The following UGT2B17 variants were observed in gnomAD, a reference collection of about 807,000 sequenced individuals.
UGT2B17 encodes the protein UDP-glucuronosyltransferase 2B17.
A neutral mutation model predicts 48.2 loss-of-function variants in UGT2B17; 21 were observed. The observed-to-expected ratio is 0.44, with a 90% CI of 0.31 to 0.63. The LOEUF is 0.63. Among genes scored for constraint, UGT2B17 ranks in the 20% least tolerant of loss-of-function variants. UGT2B17 has a pLI of 0.08. For missense variants in UGT2B17, 402 were observed against 696.1 expected, an observed-to-expected ratio of 0.58 and a Z score of 4.75; for synonymous variants, 146 against 238.4, an observed-to-expected ratio of 0.61 and a Z score of 3.57.
intron 6 of UGT2B17, among the ~76,000 whole-genome samples, chr4:68,543,452 A>C (rs1730724064): frequency 8.0e-6 from 1 of 125,036 alleles, no homozygotes; most frequent in South Asian, 3.8e-4. Flanking sequence ...CATCATCAAA[A>C]ACCAAAGGTA....
At chr4:68,547,479 A>G (rs1432842518) in intron 6 of UGT2B17, among the ~76,000 whole-genome samples, 3 of 125,562 alleles carry the variant, frequency 2.4e-5, no homozygotes, top group Non-Finnish European at 3.4e-5. Flanking sequence ...ACTCTAGAAG[A>G]AAACCTAGGC....
At position 68,552,807 on chromosome 4, in the gene UGT2B17, G is replaced by A. The variant is rs1424225976; in HGVS notation, c.1006-896C>T. 2.4e-5 allele frequency among the ~76,000 whole-genome samples: 3 copies of A among 124,874 alleles called. 1 individual carries two copies. The highest frequency in any genetic ancestry group is 5.1e-5 in the Non-Finnish European group (3 of 59,110). The allele number at this position is 124,874 out of a possible 152,430, so 81.9% of individuals were successfully genotyped here. On this transcript the variant is annotated intron_variant, in intron 4 of 6. Transcript: ENST00000317746. ...CCCCAAAATTCAGTCAAGACCAAAA[G>A]TTTATTTTGCTGTACAACTCCTTTT...
At chr4:68,563,245 T>G (rs1051170422) in intron 3 of UGT2B17, among the ~76,000 whole-genome samples, 1 of 127,324 alleles carries the variant, frequency 7.9e-6, no homozygotes, top group Non-Finnish European at 1.7e-5. Flanking sequence ...AATTATTTTG[T>G]GTACAAAAGA....
intron 3 of UGT2B17, among the ~76,000 whole-genome samples, chr4:68,563,813 T>A (rs558185199): frequency 1.6e-5 from 2 of 125,862 alleles, no homozygotes; most frequent in Non-Finnish European, 3.4e-5. Flanking sequence ...CTGCCCAAAC[T>A]TAAACATTTA....
chr4:68,546,738 A>C (rs188128112), intron 6 of UGT2B17, among the ~76,000 whole-genome samples: 1,627 of 125,504 alleles, frequency 0.013, 317 homozygotes, highest in African/African-American at 0.04. Context: ...TCTCAGGATA[A>C]AAAATCAATG....
chr4:68,571,047 C>T (rs1440894372), intron 1 of UGT2B17, among the ~76,000 whole-genome samples: 1 of 125,866 alleles, frequency 7.9e-6, no homozygotes, highest in Non-Finnish European at 1.7e-5. Context: ...CGGGCAAGAA[C>T]GGTCAAGGCT....
Position 68,542,619 on chromosome 4 carries a change from G to A in UGT2B17, c.1314-4715C>T, listed in dbSNP as rs146774012. Among the ~76,000 whole-genome samples, 9 of 126,482 alleles carry A rather than the reference G, an allele frequency of 7.1e-5. 3 individuals carry two copies. Among genetic ancestry groups the A allele is most frequent in the Admixed American group, 1.6e-4 (2 of 12,458 alleles). 83.0% of individuals were successfully genotyped at this position (126,482 alleles called of 152,430 possible). Reference sequence around the variant, plus strand: ...CAGGACAGTGGGTGCAGCGCACCACGTGTGAGCCAAAGCATGGCGAGGCAT... The same window carrying A: ...CAGGACAGTGGGTGCAGCGCACCACATGTGAGCCAAAGCATGGCGAGGCAT... On this transcript the variant is annotated intron_variant, in intron 6 of 6. Coordinates refer to ENST00000317746, the MANE Select transcript of UGT2B17 (RefSeq NM_001077.4).
intron 2 of UGT2B17, 133 bp downstream of exon 2, chr4:68,567,626 CAT>C (rs1731222886): frequency 1.4e-6 from 1 of 710,814 alleles, no homozygotes; most frequent in Non-Finnish European, 2.0e-6. Context: ...TTTTGAGACT[CAT>C]AGATCATCTT....
chr4:68,564,292 A>ATTT (rs1341012731), intron 3 of UGT2B17, among the ~76,000 whole-genome samples: 2 of 84,974 alleles, frequency 2.4e-5, no homozygotes, highest in African/African-American at 1.2e-4. Context: ...ATATATATAT[A>ATTT]TATTTTTTTT....
chr4:68,547,871 A>G (rs1157267603), intron 6 of UGT2B17, among the ~76,000 whole-genome samples: 3 of 126,548 alleles, frequency 2.4e-5, no homozygotes, highest in Non-Finnish European at 5.0e-5. Flanking sequence ...CAAAACCACA[A>G]TGAGATACCA....
chr4:68,574,286 T>C (rs1731335855), intron 1 of UGT2B17, among the ~76,000 whole-genome samples: 1 of 127,212 alleles, frequency 7.9e-6, no homozygotes, highest in Non-Finnish European at 1.7e-5. Context: ...GTTTCTTGTA[T>C]GATTTTTATA....
chr4:68,539,944 T>C (rs1413490479), intron 6 of UGT2B17, among the ~76,000 whole-genome samples: 1 of 120,622 alleles, frequency 8.3e-6, no homozygotes, highest in Non-Finnish European at 1.7e-5. Context: ...ATCCCCCACA[T>C]CTGGCTAAGT....
In UGT2B17 at chr4:68,568,530, T is replaced by C; in HGVS notation, c.-46A>G. The C allele has an allele frequency of 1.6e-6, 2 of 1,278,248 alleles. 1 individual carries two copies. The highest frequency in any genetic ancestry group is 2.0e-6 in the Non-Finnish European group (2 of 1,006,128). The allele number at this position is 1,278,248 out of a possible 1,614,324, so 79.2% of individuals were successfully genotyped here. On this transcript the variant is annotated 5_prime_UTR_variant, in exon 2 of 7. Transcript: ENST00000317746. Reference sequence around the variant, plus strand: ...CTTTTCCAGTTGTTGTTTCTTTCTGTCATTTCTCATACTTATATCTGAGGA... The same window carrying C: ...CTTTTCCAGTTGTTGTTTCTTTCTGCCATTTCTCATACTTATATCTGAGGA...
chr4:68,549,764 C>T (rs1730882590), intron 6 of UGT2B17, among the ~76,000 whole-genome samples: 1 of 125,768 alleles, frequency 8.0e-6, no homozygotes, highest in African/African-American at 2.7e-5. Flanking sequence ...ACAACAATTT[C>T]CCATATGCCT....
At chr4:68,572,813 C>T (rs149325298) in intron 1 of UGT2B17, among the ~76,000 whole-genome samples, 2,502 of 125,790 alleles carry the variant, frequency 0.02, 563 homozygotes, top group East Asian at 0.059. Flanking sequence ...ATGCTTCAGC[C>T]ATGCGTGGAC....
chr4:68,537,807 G>T lies in UGT2B17; in HGVS notation c.1411C>A (p.His471Asn). The T allele has an allele frequency of 7.2e-7, 1 of 1,379,622 alleles. No individual in the cohort carries two copies. The highest frequency in any genetic ancestry group is 9.5e-7 in the Non-Finnish European group (1 of 1,055,008). The allele number at this position is 1,379,622 out of a possible 1,614,324, so 85.5% of individuals were successfully genotyped here. A position where few individuals can be genotyped will look rare whatever the true frequency, so the allele number is the denominator to read the frequency against. Residue 471 changes from histidine (H) to asparagine (N), a missense_variant, in exon 7 of 7, where the codon CAT (histidine) becomes AAT (asparagine). Around this residue, in one of 5 missense-constraint regions of UGT2B17, gnomAD observed 156 missense variants for 258.6 expected, o/e 0.60. Coordinates refer to ENST00000317746, the MANE Select transcript of UGT2B17 (RefSeq NM_001077.4). ...ACCCGAAGGTGCTTGGCTCCTTTAT[G>T]GCGCATGACAAACTCAATCCAGAAG... is the stretch of plus-strand genomic sequence containing the variant. Reference protein sequence around the residue: ...AVFWIEFVMRHKGAKHLRVAA... With the variant: ...AVFWIEFVMRNKGAKHLRVAA...
rs1374650057 is a variant in UGT2B17, at chr4:68,572,284, C to T, written c.-65+3667G>A. Among the ~76,000 whole-genome samples, 9 of 125,496 alleles carry T rather than the reference C, an allele frequency of 7.2e-5. 4 individuals are homozygous for T. Among genetic ancestry groups the T allele is most frequent in the African/African-American group, 1.4e-4 (5 of 36,658 alleles). 82.3% of individuals were successfully genotyped at this position (125,496 alleles called of 152,430 possible). The stretch of plus-strand genomic sequence containing the variant: ...ACATTTTGAGGAGCTCTGTTTTTTT[C>T]GGTTCTACCTATTACCTTACTTGTG... On this transcript the variant is annotated intron_variant, in intron 1 of 6. Coordinates refer to ENST00000317746, the MANE Select transcript of UGT2B17 (RefSeq NM_001077.4).
rs1366633980 is a variant in UGT2B17, at chr4:68,547,938, G to A, written c.1313+2739C>T. Reference sequence around the variant, plus strand: ...AAGTCAGGAAACCACAGGTGCTGGAGAGGATATGGAGAAATAGGAACACTT... The same window carrying A: ...AAGTCAGGAAACCACAGGTGCTGGAAAGGATATGGAGAAATAGGAACACTT... On this transcript the variant is annotated intron_variant, in intron 6 of 6. Transcript: ENST00000317746. Among the ~76,000 whole-genome samples, 3 of 126,640 alleles carry A rather than the reference G, an allele frequency of 2.4e-5. 1 individual carries two copies. Among genetic ancestry groups the A allele is most frequent in the Non-Finnish European group, 5.0e-5 (3 of 59,694 alleles). 83.1% of individuals were successfully genotyped at this position (126,640 alleles called of 152,430 possible). A position where few individuals can be genotyped will look rare whatever the true frequency, so the allele number is the denominator to read the frequency against.
chr4:68,561,372 G>A (rs1439680437), intron 3 of UGT2B17, among the ~76,000 whole-genome samples: 2 of 122,648 alleles, frequency 1.6e-5, no homozygotes, highest in Non-Finnish European at 3.4e-5. Context: ...GAATTTCCGG[G>A]AAATAGTTCT....
Sources: allele counts gnomAD v4.1 joint callset (sites outside exome capture counted in the v4.1 genomes callset), GRCh38; gene constraint gnomAD v4.1.1; regional missense constraint gnomAD v4.1.1; transcripts MANE v1.5; gene names NCBI Gene and HGNC (gene_info 2026-07-23, HGNC 2026-07-21).